The following ELP4 variants were observed in gnomAD, a reference collection of about 807,000 sequenced individuals.
ELP4 encodes elongator acetyltransferase complex subunit 4, also known as elongator complex protein 4.
In ELP4, 51 loss-of-function variants were observed where a neutral mutation model predicts 48.9. The ratio of observed to expected loss-of-function variants is 1.04; its 90% CI spans 0.83 to 1.32. The LOEUF (loss-of-function observed/expected upper bound fraction) is 1.32, where lower values mean the gene tolerates loss of function less well. ELP4 is among the 40% of genes most tolerant of loss of function. ELP4 has a pLI of 0.00. For missense variants in ELP4, 519 were observed against 514.6 expected, an observed-to-expected ratio of 1.01 and a Z score of -0.08; for synonymous variants, 210 against 189.2, an observed-to-expected ratio of 1.11 and a Z score of -0.90.
At chr11:31,531,747 T>G (rs12279715) in intron 2 of ELP4, among the ~76,000 whole-genome samples, 1 of 152,232 alleles carries the variant, frequency 6.6e-6, no homozygotes, top group East Asian at 1.9e-4. Flanking sequence ...GCCATTTAAG[T>G]TTTTGAAACG....
In ELP4 at chr11:31,727,244, T is replaced by C. The variant is rs546556713; in HGVS notation, c.1144-56149T>C. Among the ~76,000 whole-genome samples, 14 of 152,178 alleles carry C rather than the reference T, an allele frequency of 9.2e-5. No homozygotes were observed. In the South Asian group the frequency reaches 2.9e-3, roughly 32 times the overall value. On this transcript the variant is annotated intron_variant, in intron 9 of 9. Coordinates refer to ENST00000640961, the MANE Select transcript of ELP4 (RefSeq NM_019040.5). ...AGCTGTGTCTCATTTGTTATATTGC[T>C]TCACATAATAACTGCTAACTAAAAA... is the stretch of plus-strand genomic sequence containing the variant.
Position 31,787,295 on chromosome 11 carries a change from C to G in ELP4, c.*3771C>G, listed in dbSNP as rs1291295617. ...TCCTGACCTTCAGAGCACACATATA[C>G]GTGCCCAAGTGCACACATACAGACC... On this transcript the variant is annotated 3_prime_UTR_variant, in exon 10 of 10. Coordinates refer to ENST00000640961, the MANE Select transcript of ELP4 (RefSeq NM_019040.5). 4.3e-6 allele frequency: 1 copy of G among 233,054 alleles called. No homozygotes were observed. Among genetic ancestry groups the G allele is most frequent in the African/African-American group, 2.2e-5 (1 of 45,348 alleles). The allele number at this position is 233,054 out of a possible 1,614,324, so 14.4% of individuals were successfully genotyped here. A position where few individuals can be genotyped will look rare whatever the true frequency, so the allele number is the denominator to read the frequency against.
intron 3 of ELP4, among the ~76,000 whole-genome samples, chr11:31,588,655 G>A (rs1227164747): frequency 2.0e-5 from 3 of 152,038 alleles, no homozygotes; most frequent in Non-Finnish European, 4.4e-5. Flanking sequence ...TCAAAATGAT[G>A]AAATGAACTA....
chr11:31,542,193 T>C (rs2133910378), intron 3 of ELP4, among the ~76,000 whole-genome samples: 1 of 152,274 alleles, frequency 6.6e-6, no homozygotes, highest in South Asian at 2.1e-4. Flanking sequence ...ACCCTGTCAT[T>C]TCCCTACCTT....
At chr11:31,534,775 T>C (rs1311678669) in intron 2 of ELP4, among the ~76,000 whole-genome samples, 1 of 152,248 alleles carries the variant, frequency 6.6e-6, no homozygotes, top group East Asian at 1.9e-4. Context: ...GTTTGTTTCT[T>C]ATATCGATTT....
Position 31,788,865 on chromosome 11 carries a change from AG to A in ELP4, c.*5342del. On this transcript the variant is annotated 3_prime_UTR_variant, in exon 10 of 10. Coordinates refer to ENST00000640961, the MANE Select transcript of ELP4 (RefSeq NM_019040.5). ...TGTGTGTGAAAGTAACCATTGGTTT[AG>A]AATGTTGATCTAACATGGAAATAAA... 1 of 202,490 alleles carries A rather than the reference AG, an allele frequency of 4.9e-6. No individual in the cohort carries two copies. Among genetic ancestry groups the A allele is most frequent in the Non-Finnish European group, 1.0e-5 (1 of 98,146 alleles). The allele number at this position is 202,490 out of a possible 1,614,324, so 12.5% of individuals were successfully genotyped here. A position where few individuals can be genotyped will look rare whatever the true frequency, so the allele number is the denominator to read the frequency against.
chr11:31,749,077 G>T (rs1947661388), intron 9 of ELP4, among the ~76,000 whole-genome samples: 1 of 152,180 alleles, frequency 6.6e-6, no homozygotes, highest in Non-Finnish European at 1.5e-5. Context: ...TGGCCTGAGA[G>T]AAGAAAGTTT....
chr11:31,579,870 C>T (rs527445429), intron 3 of ELP4, among the ~76,000 whole-genome samples: 8 of 151,862 alleles, frequency 5.3e-5, no homozygotes, highest in Non-Finnish European at 1.0e-4. Flanking sequence ...ACCAACATGG[C>T]ACATGTGTAC....
At chr11:31,532,339 G>A (rs1053535286) in intron 2 of ELP4, among the ~76,000 whole-genome samples, 3 of 152,186 alleles carry the variant, frequency 2.0e-5, no homozygotes, top group African/African-American at 7.2e-5. Flanking sequence ...TAAATAGCAT[G>A]ATGTCAATGC....
Position 31,510,129 on chromosome 11 carries a change from A to C in ELP4, c.223+122A>C. On this transcript the variant is annotated intron_variant, in intron 1 of 9. Coordinates refer to ENST00000640961, the MANE Select transcript of ELP4 (RefSeq NM_019040.5). ...CTAAACCTTCGGAGGAGGAGAGAAT[A>C]GCCTGGTCTGATTGAGATGGAGGGG... 4.6e-6 allele frequency: 4 copies of C among 873,270 alleles called. No homozygotes were observed. In the East Asian group the frequency reaches 1.1e-4, roughly 23 times the overall value. The allele number at this position is 873,270 out of a possible 1,614,324, so 54.1% of individuals were successfully genotyped here. A position where few individuals can be genotyped will look rare whatever the true frequency, so the allele number is the denominator to read the frequency against.
intron 3 of ELP4, among the ~76,000 whole-genome samples, chr11:31,549,068 A>G (rs1467980901): frequency 6.6e-6 from 1 of 152,134 alleles, no homozygotes; most frequent in South Asian, 2.1e-4. Context: ...TTCAGGACAT[A>G]GGCATGGGCA....
At chr11:31,728,645 G>T (rs183703775) in intron 9 of ELP4, among the ~76,000 whole-genome samples, 1 of 152,242 alleles carries the variant, frequency 6.6e-6, no homozygotes, top group East Asian at 1.9e-4. Flanking sequence ...GTAACCATTG[G>T]TTGCTGGGCA....
chr11:31,591,435 G>T (rs563076678), intron 3 of ELP4, among the ~76,000 whole-genome samples: 14 of 52,284 alleles, frequency 2.7e-4, no homozygotes, highest in Admixed American at 2.3e-4. Flanking sequence ...GGGGGGGGGG[G>T]TATAAAACCA....
intron 9 of ELP4, among the ~76,000 whole-genome samples, chr11:31,768,416 G>C (rs2134265121): frequency 6.6e-6 from 1 of 152,210 alleles, no homozygotes; most frequent in Non-Finnish European, 1.5e-5. Flanking sequence ...ATTATGAAAA[G>C]CTTTTATAAA....
intron 4 of ELP4, among the ~76,000 whole-genome samples, chr11:31,595,582 C>T (rs1054453528): frequency 3.3e-5 from 5 of 152,202 alleles, no homozygotes; most frequent in African/African-American, 1.2e-4. Context: ...ACATTGACAT[C>T]AGTGTTATCT....
At chr11:31,739,083 C>T (rs936856018) in intron 9 of ELP4, among the ~76,000 whole-genome samples, 1 of 97,520 alleles carries the variant, frequency 1.0e-5, no homozygotes, top group Non-Finnish European at 2.2e-5. Flanking sequence ...TGTTTTTTAC[C>T]CCAATTTTTT....
intron 9 of ELP4, among the ~76,000 whole-genome samples, chr11:31,656,105 GT>G (rs1195697164): frequency 6.6e-6 from 1 of 151,890 alleles, no homozygotes. Flanking sequence ...CTTTATAATT[GT>G]TTTCCACTTA....
chr11:31,510,356 T>A (rs973822962), intron 1 of ELP4: 46 of 467,590 alleles, frequency 9.8e-5, no homozygotes, highest in Non-Finnish European at 1.5e-4. Context: ...ATACCTCCCT[T>A]CTGCTTTCTC....
rs1167238583 is a variant in ELP4 at position 31,755,962 on chromosome 11, A to G, written c.1144-27431A>G. ...GACAAATGATATCAGCAACACCACA[A>G]CAACTTTTTGGTAGATCCTCTGAAT... On this transcript the variant is annotated intron_variant, in intron 9 of 9. Transcript: ENST00000640961. 5.3e-5 allele frequency among the ~76,000 whole-genome samples: 8 copies of G among 152,224 alleles called. No homozygotes were observed. The East Asian group carries it at 5.8e-4, about 11-fold the overall frequency.
Sources: allele counts gnomAD v4.1 joint callset (sites outside exome capture counted in the v4.1 genomes callset), GRCh38; gene constraint gnomAD v4.1.1; transcripts MANE v1.5; gene names NCBI Gene and HGNC (gene_info 2026-07-23, HGNC 2026-07-21).